EPHA6: variants seen among roughly 807,000 people sequenced by gnomAD.
EPHA6 encodes the protein ephrin type-A receptor 6.
In EPHA6, 50 loss-of-function variants were observed where a neutral mutation model predicts 112.0. The ratio of observed to expected loss-of-function variants is 0.45; its 90% CI spans 0.36 to 0.56. EPHA6 has a LOEUF of 0.56. Ranked by LOEUF, EPHA6 falls within the 20% of genes least tolerant of loss-of-function variation. The pLI, the probability that EPHA6 is intolerant of heterozygous loss-of-function variation, is 0.00. For missense variants in EPHA6, 1,280 were observed against 1,417.4 expected (o/e 0.90, Z 1.56); for synonymous variants, 529 against 490.7 (o/e 1.08, Z -1.03).
chr3:97,691,482 T>A (rs2032660446), intron 14 of EPHA6, among the ~76,000 whole-genome samples: 1 of 152,218 alleles, frequency 6.6e-6, no homozygotes, highest in African/African-American at 2.4e-5. Context: ...GCCCCTTTTT[T>A]CTGTTGTTGG....
At chr3:96,848,511 G>C (rs542046579) in intron 1 of EPHA6, among the ~76,000 whole-genome samples, 1 of 151,930 alleles carries the variant, frequency 6.6e-6, no homozygotes. Context: ...TGTAATCCTA[G>C]CTACTTGAGA....
At chr3:97,454,046 T>G (rs1419218946) in intron 7 of EPHA6, among the ~76,000 whole-genome samples, 1 of 151,796 alleles carries the variant, frequency 6.6e-6, no homozygotes, top group Non-Finnish European at 1.5e-5. Flanking sequence ...AAAATTAGAT[T>G]ATTTGGATGC....
At chr3:97,460,265 C>A (rs2090843681) in intron 7 of EPHA6, among the ~76,000 whole-genome samples, 1 of 152,216 alleles carries the variant, frequency 6.6e-6, no homozygotes, top group Non-Finnish European at 1.5e-5. Context: ...GCTATATTAT[C>A]TTCCTTTGCT....
intron 3 of EPHA6, among the ~76,000 whole-genome samples, chr3:97,179,267 T>C (rs562551495): frequency 5.9e-5 from 9 of 152,292 alleles, no homozygotes; most frequent in African/African-American, 2.2e-4. Context: ...GATAGAATTC[T>C]GAATTCCTTC....
intron 5 of EPHA6, among the ~76,000 whole-genome samples, chr3:97,335,545 C>G (rs946532197): frequency 2.0e-5 from 3 of 152,118 alleles, no homozygotes; most frequent in Non-Finnish European, 4.4e-5. Context: ...CCAGAATTAC[C>G]TGTTCCTTTA....
intron 11 of EPHA6, among the ~76,000 whole-genome samples, chr3:97,556,927 A>G (rs1290156699): frequency 6.6e-6 from 1 of 152,076 alleles, no homozygotes; most frequent in African/African-American, 2.4e-5. Context: ...AACCTCTGCT[A>G]AAACTGTGTT....
intron 5 of EPHA6, among the ~76,000 whole-genome samples, chr3:97,334,421 G>A (rs1273375776): frequency 6.7e-6 from 1 of 150,186 alleles, no homozygotes; most frequent in African/African-American, 2.4e-5. Flanking sequence ...GAAATCACTT[G>A]TGCCTGGACA....
intron 2 of EPHA6, among the ~76,000 whole-genome samples, chr3:96,905,516 T>C (rs1008401848): frequency 6.6e-6 from 1 of 152,030 alleles, no homozygotes. Context: ...GCAAAGACAA[T>C]TGATATGAAA....
chr3:97,235,137 T>G (rs1337443831), intron 4 of EPHA6, among the ~76,000 whole-genome samples: 1 of 152,164 alleles, frequency 6.6e-6, no homozygotes, highest in East Asian at 1.9e-4. Context: ...CTCCTTTTTA[T>G]GTCATTGTGC....
intron 4 of EPHA6, among the ~76,000 whole-genome samples, chr3:97,234,200 T>C (rs2078615219): frequency 6.6e-6 from 1 of 152,114 alleles, no homozygotes; most frequent in African/African-American, 2.4e-5. Context: ...TGGGGGATGA[T>C]CTGATCTTTC....
intron 10 of EPHA6, among the ~76,000 whole-genome samples, chr3:97,509,799 T>TCTC (rs1178574667): frequency 6.6e-6 from 1 of 152,204 alleles, no homozygotes; most frequent in Non-Finnish European, 1.5e-5. Context: ...TTGGTTCCAT[T>TCTC]CTCCCCATCA....
intron 5 of EPHA6, among the ~76,000 whole-genome samples, chr3:97,321,445 C>T (rs1388790218): frequency 1.3e-5 from 2 of 151,898 alleles, no homozygotes; most frequent in Admixed American, 6.6e-5. Flanking sequence ...AAATCAATTA[C>T]TGGATATTTT....
intron 3 of EPHA6, among the ~76,000 whole-genome samples, chr3:97,118,716 G>T (rs182251044): frequency 3.0e-4 from 45 of 151,962 alleles, no homozygotes; most frequent in African/African-American, 8.7e-4. Flanking sequence ...CCATGATCTT[G>T]GGAAAATTAC....
chr3:97,267,016 G>A (rs2079707315), intron 5 of EPHA6, among the ~76,000 whole-genome samples: 1 of 152,126 alleles, frequency 6.6e-6, no homozygotes, highest in Admixed American at 6.5e-5. Flanking sequence ...TGTAGCCAAT[G>A]TTTTATAACC....
At chr3:97,646,076 G>A (rs2094059166) in intron 14 of EPHA6, 49 of 1,413,700 alleles carry the variant, frequency 3.5e-5, no homozygotes, top group Admixed American at 1.1e-4. Flanking sequence ...TCAAAATACG[G>A]ACAGAATAGG....
At chr3:97,404,857 A>G (rs2087234629) in intron 5 of EPHA6, among the ~76,000 whole-genome samples, 1 of 152,142 alleles carries the variant, frequency 6.6e-6, no homozygotes, top group Non-Finnish European at 1.5e-5. Context: ...CAAGACCAAA[A>G]CCATTTTAAA....
At chr3:97,371,560 GA>G (rs1285449922) in intron 5 of EPHA6, among the ~76,000 whole-genome samples, 1 of 152,106 alleles carries the variant, frequency 6.6e-6, no homozygotes, top group East Asian at 1.9e-4. Flanking sequence ...GTCGCCTCAG[GA>G]CGCTGTGATG....
rs533811728 is a variant in EPHA6, at chr3:97,344,080, A to T, written c.1607-61070A>T. ...AAGCACATAACTTGTTTTGTTTCAC[A>T]GGTTCACAGGTGGAGGGGAGTTCTG... is the stretch of plus-strand genomic sequence containing the variant. On this transcript the variant is annotated intron_variant, in intron 5 of 17. Coordinates refer to ENST00000389672, the MANE Select transcript of EPHA6 (RefSeq NM_001080448.3). 1.3e-4 allele frequency among the ~76,000 whole-genome samples: 20 copies of T among 152,254 alleles called. No individual in the cohort carries two copies. The South Asian group carries it at 4.1e-3, about 32-fold the overall frequency.
chr3:97,138,781 A>G (rs1053967628), intron 3 of EPHA6, among the ~76,000 whole-genome samples: 5 of 152,220 alleles, frequency 3.3e-5, no homozygotes, highest in Admixed American at 6.5e-5. Context: ...TGGACTGAGA[A>G]GGGTGTGGCC....
Sources: gnomAD v4.1 joint callset for allele counts (sites outside exome capture counted in the v4.1 genomes callset) on GRCh38, gnomAD v4.1.1 for gene constraint, MANE v1.5 for transcripts, NCBI Gene and HGNC (gene_info 2026-07-23, HGNC 2026-07-21) for gene names.